Variants in METTL16 observed in about 807,000 individuals in gnomAD.
The protein encoded by METTL16 is RNA N(6)-adenosine-methyltransferase METTL16.
A neutral mutation model predicts 57.9 loss-of-function variants in METTL16; 19 were observed. The observed-to-expected ratio is 0.33, with a 90% CI of 0.23 to 0.48. METTL16 has a LOEUF of 0.48. Among genes scored for constraint, METTL16 ranks in the 20% least tolerant of loss-of-function variants. METTL16 has a pLI of 0.99. For synonymous variants in METTL16, 246 were observed against 255.6 expected (o/e 0.96, Z 0.36); for missense variants, 434 against 691.5 (o/e 0.63, Z 4.18).
At chr17:2,489,288 A>G (rs958419997) in intron 2 of METTL16, among the ~76,000 whole-genome samples, 1 of 152,076 alleles carries the variant, frequency 6.6e-6, no homozygotes, top group Admixed American at 6.6e-5. Context: ...TATGCTAACT[A>G]AAGAGCAACT....
At chr17:2,481,322 T>C (rs1355700851) in intron 2 of METTL16, among the ~76,000 whole-genome samples, 1 of 150,946 alleles carries the variant, frequency 6.6e-6, no homozygotes, top group African/African-American at 2.4e-5. Context: ...TATCAGATTA[T>C]GAAAGGATAA....
chr17:2,433,128 C>T (rs565994947), intron 8 of METTL16, among the ~76,000 whole-genome samples: 209 of 152,274 alleles, frequency 1.4e-3, no homozygotes, highest in Middle Eastern at 6.8e-3. Context: ...GGAGAGATGT[C>T]CAGGTTCTAT....
intron 2 of METTL16, among the ~76,000 whole-genome samples, chr17:2,489,732 C>CAAAAAAAAAAAAAAAAAAAAA (rs61506042): frequency 1.7e-5 from 1 of 60,326 alleles, no homozygotes; most frequent in Non-Finnish European, 2.6e-5. Context: ...GAGCGAGACT[C>CAAAAAAAAAAAAAAAAAAAAA]AAAAAAAAAA....
At chr17:2,503,656 A>T (rs964848625) in intron 1 of METTL16, among the ~76,000 whole-genome samples, 1 of 152,122 alleles carries the variant, frequency 6.6e-6, no homozygotes, top group African/African-American at 2.4e-5. Flanking sequence ...TACAATAAAT[A>T]TGGATCAACA....
chr17:2,427,606 T>G (rs140638116), intron 8 of METTL16, among the ~76,000 whole-genome samples: 1 of 152,062 alleles, frequency 6.6e-6, no homozygotes, highest in East Asian at 1.9e-4. Flanking sequence ...GTTTTTGGCA[T>G]GGGATTCTTT....
chr17:2,475,358 A>T (rs1597461550), intron 3 of METTL16: 1 of 152,222 alleles, frequency 6.6e-6, no homozygotes, highest in Admixed American at 6.5e-5. Context: ...CAGAAACCAC[A>T]GTTCTTTGGC....
At position 2,474,386 on chromosome 17, in the gene METTL16, G is replaced by GAAAAAAAAAAA. The variant is rs752477163; in HGVS notation, c.329-733_329-723dup. On this transcript the variant is annotated intron_variant, in intron 3 of 9. Coordinates refer to ENST00000263092, the MANE Select transcript of METTL16 (RefSeq NM_024086.4). ...AGTTGTCAGCTGAAAGAAACAAAAA[G>GAAAAAAAAAAA]AAAAAAAAAAAAAAAAAAAAAGCTA... Among the ~76,000 whole-genome samples the GAAAAAAAAAAA allele has an allele frequency of 2.2e-3, 134 of 60,170 alleles. 1 individual carries two copies. Among genetic ancestry groups the GAAAAAAAAAAA allele is most frequent in the East Asian group, 4.6e-3 (7 of 1,508 alleles). The allele number at this position is 60,170 out of a possible 152,430, so 39.5% of individuals were successfully genotyped here.
rs9675255 is a variant in METTL16 at position 2,447,823 on chromosome 17, T to C, written c.729-6264A>G. ...GAGGTGGGGGGGTCAGCCCCCCGCC[T>C]GGCCAGCCGCCCCATCCGGGAGGGA... is the stretch of plus-strand genomic sequence containing the variant. On this transcript the variant is annotated intron_variant, in intron 6 of 9. Coordinates refer to ENST00000263092, the MANE Select transcript of METTL16 (RefSeq NM_024086.4). Among the ~76,000 whole-genome samples the C allele has an allele frequency of 7.0e-3, 478 of 68,098 alleles. 9 individuals carry two copies. Among genetic ancestry groups the C allele is most frequent in the African/African-American group, 0.036 (415 of 11,370 alleles). 44.7% of individuals were successfully genotyped at this position (68,098 alleles called of 152,430 possible). A position where few individuals can be genotyped will look rare whatever the true frequency, so the allele number is the denominator to read the frequency against.
chr17:2,434,658 C>A (rs1208665049), intron 8 of METTL16, among the ~76,000 whole-genome samples: 2 of 152,246 alleles, frequency 1.3e-5, no homozygotes, highest in African/African-American at 4.8e-5. Context: ...CCTGGCATCC[C>A]TCAGCTATGT....
At chr17:2,510,236 T>C (rs996785239) in intron 1 of METTL16, among the ~76,000 whole-genome samples, 7 of 152,372 alleles carry the variant, frequency 4.6e-5, no homozygotes, top group African/African-American at 9.6e-5. Flanking sequence ...GAATGTGTGC[T>C]GATCAAGTCA....
At chr17:2,508,612 G>T (rs2067565176) in intron 1 of METTL16, among the ~76,000 whole-genome samples, 1 of 151,776 alleles carries the variant, frequency 6.6e-6, no homozygotes, top group Admixed American at 6.6e-5. Context: ...CACCTCTCTG[G>T]CCCAGGTCAT....
At chr17:2,461,826 G>A (rs148542947) in intron 6 of METTL16, among the ~76,000 whole-genome samples, 4,882 of 152,148 alleles carry the variant, frequency 0.032, 282 homozygotes, top group African/African-American at 0.11. Flanking sequence ...TGATCCACCC[G>A]CTTTGGTCTC....
intron 2 of METTL16, among the ~76,000 whole-genome samples, chr17:2,482,880 C>T (rs1301406720): frequency 6.6e-6 from 1 of 152,074 alleles, no homozygotes; most frequent in South Asian, 2.1e-4. Context: ...CACTGCACTC[C>T]AGCCTGGGTG....
rs58486923 is a variant in METTL16 at position 2,423,261 on chromosome 17, GGTGTGTGTGT to G, written c.889-2367_889-2358del. Among the ~76,000 whole-genome samples, 434 of 143,674 alleles carry G rather than the reference GGTGTGTGTGT, an allele frequency of 3.0e-3. 2 individuals are homozygous for G. Among genetic ancestry groups the G allele is most frequent in the East Asian group, 9.3e-3 (44 of 4,740 alleles). The allele number at this position is 143,674 out of a possible 152,430, so 94.3% of individuals were successfully genotyped here. Reference sequence around the variant, plus strand: ...TGTTAGGGAAGGATAAAAAACAAAGGGTGTGTGTGTGTGTGTGTGTGTGTGTGTGTGTGTG... The same window carrying G: ...TGTTAGGGAAGGATAAAAAACAAAGGGTGTGTGTGTGTGTGTGTGTGTGTG... On this transcript the variant is annotated intron_variant, in intron 8 of 9. Transcript: ENST00000263092.
intron 2 of METTL16, among the ~76,000 whole-genome samples, chr17:2,498,202 A>G (rs2151578696): frequency 6.8e-6 from 1 of 146,504 alleles, no homozygotes; most frequent in East Asian, 2.0e-4. Context: ...TCAAAAAAAA[A>G]AGAGATCGAG....
rs537727746 is a variant in METTL16, at chr17:2,427,525, T to C, written c.889-6621A>G. ...TCAGAAATCACTTTGTTGATGGTAA[T>C]GTTACTTTTGAGACTCCTGGGGCAT... On this transcript the variant is annotated intron_variant, in intron 8 of 9. Coordinates refer to ENST00000263092, the MANE Select transcript of METTL16 (RefSeq NM_024086.4). Among the ~76,000 whole-genome samples, 4 of 152,288 alleles carry C rather than the reference T, an allele frequency of 2.6e-5. No homozygotes were observed. In the East Asian group the frequency reaches 5.8e-4, roughly 22 times the overall value.
intron 6 of METTL16, among the ~76,000 whole-genome samples, chr17:2,445,313 T>G (rs905051064): frequency 6.6e-6 from 1 of 152,146 alleles, no homozygotes; most frequent in African/African-American, 2.4e-5. Flanking sequence ...ATTATAGGCC[T>G]AGGTGTGTAG....
chr17:2,458,707 G>A (rs1328477074), intron 6 of METTL16, among the ~76,000 whole-genome samples: 1 of 151,654 alleles, frequency 6.6e-6, no homozygotes, highest in Non-Finnish European at 1.5e-5. Context: ...GCAAGACTCT[G>A]ACACACACAC....
chr17:2,420,247 T>C lies in METTL16; in HGVS notation c.1412A>G (p.Lys471Arg), dbSNP rs116416441. The change falls in exon 10 of 10, where the codon AAG (lysine) becomes AGG (arginine). Residue 471 changes from lysine (K) to arginine (R), a missense_variant. By Grantham distance (26) the Lys-to-Arg change is conservative. This residue lies in a region of METTL16 where 168 missense variants were observed against 149.6 expected (regional missense o/e 1.12). Coordinates refer to ENST00000263092, the MANE Select transcript of METTL16 (RefSeq NM_024086.4). This position sits in a 1 kb window ranked among gnomAD's most constrained non-coding sequence, Gnocchi z 5.4. ...EPTEDERSEEKGGVEVLESCQ... is the reference protein window; with the variant it reads ...EPTEDERSEERGGVEVLESCQ... ...ACTTTCCAAAACCTCCACCCCTCCCTTTTCCTCACTCCTTTCATCCTCCGT... is the reference window on the plus strand; with the variant it reads ...ACTTTCCAAAACCTCCACCCCTCCCCTTTCCTCACTCCTTTCATCCTCCGT... 2,708 of 1,614,032 alleles carry C rather than the reference T, an allele frequency of 1.7e-3. 42 individuals carry two copies. The African/African-American group carries it at 0.03, about 18-fold the overall frequency.
Sources: gnomAD v4.1 joint callset for allele counts (sites outside exome capture counted in the v4.1 genomes callset) on GRCh38, gnomAD v4.1.1 for gene constraint, gnomAD v4.1.1 regional missense constraint, Gnocchi (gnomAD v3.1) non-coding constraint, MANE v1.5 for transcripts, NCBI Gene and HGNC (gene_info 2026-07-23, HGNC 2026-07-21) for gene names.